Variants in KAT8 observed in about 807,000 individuals in gnomAD.
KAT8 encodes histone acetyltransferase KAT8.
In KAT8, 40 loss-of-function variants were observed where a neutral mutation model predicts 62.9. The ratio of observed to expected loss-of-function variants is 0.64; its 90% CI spans 0.49 to 0.83. KAT8 has a LOEUF of 0.83. Among genes scored for constraint, KAT8 ranks in the 40% least tolerant of loss-of-function variants. The pLI is 0.00. For missense variants in KAT8, 387 were observed against 614.8 expected, an observed-to-expected ratio of 0.63 and a Z score of 3.92; for synonymous variants, 278 against 254.5, an observed-to-expected ratio of 1.09 and a Z score of -0.88.
chr16:31,121,509 G>A (rs1013864134), intron 3 of KAT8, among the ~76,000 whole-genome samples: 1 of 151,980 alleles, frequency 6.6e-6, no homozygotes, highest in African/African-American at 2.4e-5. Context: ...ATAAGTTTAG[G>A]GACCCAGACA....
In KAT8 at chr16:31,128,063, G is replaced by T; in HGVS notation, c.695G>T (p.Trp232Leu). 6.2e-7 allele frequency: 1 copy of T among 1,613,840 alleles called. No individual in the cohort carries two copies. The highest frequency in any genetic ancestry group is 8.5e-7 in the Non-Finnish European group (1 of 1,179,870). ...GTCCCCGACCAGGGTCAGTGCCAGTGGCGGCAGCCCCCCGGGAAAGAGATC... is the reference window on the plus strand; with the variant it reads ...GTCCCCGACCAGGGTCAGTGCCAGTTGCGGCAGCCCCCCGGGAAAGAGATC... The part of the protein sequence containing the change: ...SYRFHLGQCQ[W>L]RQPPGKEIYR... Residue 232 changes from tryptophan (W) to leucine (L), a missense_variant, in exon 6 of 11, where the codon TGG becomes TTG. Physicochemically the swap from Trp to Leu is moderately conservative, Grantham distance 61. This residue lies in a region of KAT8 where 141 missense variants were observed against 222.5 expected (regional missense o/e 0.63). Transcript: ENST00000219797.
intron 3 of KAT8, among the ~76,000 whole-genome samples, chr16:31,122,753 C>G (rs1400325134): frequency 6.6e-6 from 1 of 151,874 alleles, no homozygotes; most frequent in East Asian, 1.9e-4. Flanking sequence ...TGGTGGCGTG[C>G]ACCTGTAGTC....
Position 31,130,774 on chromosome 16 carries a change from A to G in KAT8, c.1186A>G (p.Ile396Val). The change falls in exon 10 of 11, where the codon ATC becomes GTC. Residue 396 changes from isoleucine to valine, a missense_variant. Around this residue, in one of 6 missense-constraint regions of KAT8, gnomAD observed 75 missense variants for 105.7 expected, o/e 0.71. Coordinates refer to ENST00000219797, the MANE Select transcript of KAT8 (RefSeq NM_032188.3). ...SQMTSITQND[I>V]ISTLQSLNMV... is the part of the protein sequence containing the mutation. The stretch of plus-strand genomic sequence containing the variant: ...GATGACCAGTATCACCCAAAATGAC[A>G]TCATCAGTACCCTGCAATCCCTCAA... 3 of 1,614,148 alleles carry G rather than the reference A, an allele frequency of 1.9e-6. No individual in the cohort carries two copies. The highest frequency in any genetic ancestry group is 1.1e-5 in the South Asian group (1 of 91,086).
intron 6 of KAT8, among the ~76,000 whole-genome samples, chr16:31,129,613 A>G (rs1402279654): frequency 1.3e-5 from 2 of 152,112 alleles, no homozygotes; most frequent in Non-Finnish European, 2.9e-5. Context: ...GCAGACGTTT[A>G]CCAGGCACCC....
intron 1 of KAT8, 109 bp downstream of exon 1, chr16:31,118,001 G>A (rs1217373842): frequency 1.2e-6 from 1 of 851,130 alleles, no homozygotes; most frequent in African/African-American, 1.8e-5. Context: ...GCTGGGAGTG[G>A]AGAGGAGGAG....
chr16:31,121,740 A>G (rs559173223), intron 3 of KAT8, among the ~76,000 whole-genome samples: 2 of 151,672 alleles, frequency 1.3e-5, no homozygotes, highest in Admixed American at 1.3e-4. Flanking sequence ...ATACTTAATA[A>G]TTGTACATAT....
At position 31,117,753 on chromosome 16, in the gene KAT8, G is replaced by T; in HGVS notation, c.72G>T (p.Gly24=). The T allele has an allele frequency of 7.2e-7, 1 of 1,382,672 alleles. No individual in the cohort carries two copies. The highest frequency in any genetic ancestry group is 9.4e-7 in the Non-Finnish European group (1 of 1,060,166). 85.7% of individuals were successfully genotyped at this position (1,382,672 alleles called of 1,614,324 possible). Residue 24 remains glycine (G), a synonymous_variant, in exon 1 of 11, where the codon GGG becomes GGT. Transcript: ENST00000219797. ...TSGVAGEGEP[G]PGENAAAEGT... ...GGGTCGCGGGGGAGGGCGAGCCCGG[G>T]CCCGGGGAGAATGCGGCCGCTGAGG...
intron 3 of KAT8, chr16:31,126,051 G>A (rs1184582468): frequency 6.6e-6 from 1 of 152,246 alleles, no homozygotes; most frequent in Non-Finnish European, 1.5e-5. Flanking sequence ...CTCAAGCCTT[G>A]AAGGATGGGA....
intron 3 of KAT8, among the ~76,000 whole-genome samples, chr16:31,124,385 T>TA (rs777442303): frequency 5.3e-5 from 8 of 152,202 alleles, no homozygotes; most frequent in Non-Finnish European, 8.8e-5. Context: ...CTCATGCCTG[T>TA]AATCCCAGCA....
At chr16:31,128,003 A>G in intron 5 of KAT8, 47 bp from the exon 6 acceptor site, 1 of 1,459,034 alleles carries the variant, frequency 6.9e-7, no homozygotes. Context: ...GGTGCCTCCT[A>G]GCAGAGAACA....
In KAT8 at chr16:31,130,906, TG is replaced by T; in HGVS notation, c.1312+12del. On this transcript the variant is annotated splice_region_variant and intron_variant, in intron 10 of 10. Coordinates refer to ENST00000219797, the MANE Select transcript of KAT8 (RefSeq NM_032188.3). ...TAAGAAACCACCCATCACAGGTGGG[TG>T]GGGGGCTGCTGTGTGTCGGGGGCGG... is the stretch of plus-strand genomic sequence containing the variant. The T allele has an allele frequency of 3.3e-6, 5 of 1,499,276 alleles. No individual in the cohort carries two copies. Among genetic ancestry groups the T allele is most frequent in the Non-Finnish European group, 3.6e-6 (4 of 1,123,252 alleles). 92.9% of individuals were successfully genotyped at this position (1,499,276 alleles called of 1,614,324 possible).
intron 6 of KAT8, among the ~76,000 whole-genome samples, chr16:31,129,709 A>T (rs2057558915): frequency 6.6e-6 from 1 of 152,192 alleles, no homozygotes; most frequent in Non-Finnish European, 1.5e-5. Flanking sequence ...CCTCAGTTTC[A>T]CGAGCTGAAA....
intron 1 of KAT8, 118 bp downstream of exon 1, chr16:31,118,010 A>T: frequency 1.4e-6 from 1 of 719,414 alleles, no homozygotes; most frequent in Non-Finnish European, 1.9e-6. Flanking sequence ...GGAGAGGAGG[A>T]GGGGCGGGGC....
At chr16:31,123,928 C>T (rs891502784) in intron 3 of KAT8, 2 of 152,144 alleles carry the variant, frequency 1.3e-5, no homozygotes, top group Non-Finnish European at 2.9e-5. Context: ...GAGTTGGCAA[C>T]CAGCAGGGTG....
intron 3 of KAT8, among the ~76,000 whole-genome samples, chr16:31,123,251 C>T (rs1056163524): frequency 6.6e-6 from 1 of 152,150 alleles, no homozygotes; most frequent in African/African-American, 2.4e-5. Flanking sequence ...GAGTCTCACT[C>T]TGTTAACCAG....
chr16:31,121,717 T>C (rs2057494949), intron 3 of KAT8, among the ~76,000 whole-genome samples: 1 of 152,074 alleles, frequency 6.6e-6, no homozygotes, highest in African/African-American at 2.4e-5. Context: ...TGCCTTGGTT[T>C]TTTCTTGTAT....
intron 3 of KAT8, among the ~76,000 whole-genome samples, chr16:31,123,196 A>G (rs2057509963): frequency 6.6e-6 from 1 of 152,084 alleles, no homozygotes; most frequent in Non-Finnish European, 1.5e-5. Flanking sequence ...AAAAAAAATT[A>G]ATTATCATTT....
At chr16:31,124,943 C>G (rs1403322589) in intron 3 of KAT8, among the ~76,000 whole-genome samples, 3 of 151,924 alleles carry the variant, frequency 2.0e-5, no homozygotes, top group Non-Finnish European at 4.4e-5. Flanking sequence ...GTGGGAAGAT[C>G]GCTTGAACTC....
chr16:31,118,389 A>G (rs1349300528), intron 1 of KAT8: 2 of 152,622 alleles, frequency 1.3e-5, no homozygotes, highest in Non-Finnish European at 2.9e-5. Context: ...TTTCTAGCCA[A>G]CACTAGGAAA....
Sources: allele counts gnomAD v4.1 joint callset (sites outside exome capture counted in the v4.1 genomes callset), GRCh38; gene constraint gnomAD v4.1.1; regional missense constraint gnomAD v4.1.1; transcripts MANE v1.5; gene names NCBI Gene and HGNC (gene_info 2026-07-23, HGNC 2026-07-21).